Variants in ZNF407 observed in about 807,000 individuals in gnomAD.
ZNF407 encodes zinc finger protein 407.
A neutral mutation model predicts 131.2 loss-of-function variants in ZNF407; 17 were observed. That is an observed-to-expected ratio of 0.13 (90% CI 0.09 to 0.19). The LOEUF (loss-of-function observed/expected upper bound fraction) is 0.19. Ranked by LOEUF, ZNF407 falls within the 10% of genes least tolerant of loss-of-function variation. The pLI is 1.00. For missense variants in ZNF407, 2,681 were observed against 2,830.6 expected (o/e 0.95, Z 1.20); for synonymous variants, 1,156 against 1,062.0 (o/e 1.09, Z -1.72).
At chr18:74,682,996 A>C (rs1432898275) in intron 3 of ZNF407, among the ~76,000 whole-genome samples, 2 of 152,192 alleles carry the variant, frequency 1.3e-5, no homozygotes, top group Non-Finnish European at 2.9e-5. Flanking sequence ...GCTGGGCTCT[A>C]ACATTTGCTT....
At chr18:74,860,415 G>T (rs1388148014) in intron 4 of ZNF407, among the ~76,000 whole-genome samples, 3 of 151,780 alleles carry the variant, frequency 2.0e-5, no homozygotes, top group African/African-American at 7.3e-5. Context: ...TGAGAAGTAT[G>T]TAATTGTTAA....
chr18:74,927,665 C>A lies in ZNF407; in HGVS notation c.5428+6973C>A, dbSNP rs547259057. Among the ~76,000 whole-genome samples the A allele has an allele frequency of 3.3e-5, 5 of 152,200 alleles. No homozygotes were observed. In the South Asian group the frequency reaches 1.0e-3, roughly 32 times the overall value. On this transcript the variant is annotated intron_variant, in intron 8 of 8. Transcript: ENST00000299687. Reference sequence around the variant, plus strand: ...GAACATGAGGTTCAAATTAGATAATCCATATGAAAGAGCTTGAAAATTGTA... The same window carrying A: ...GAACATGAGGTTCAAATTAGATAATACATATGAAAGAGCTTGAAAATTGTA...
At chr18:74,826,123 C>A (rs577743583) in intron 4 of ZNF407, among the ~76,000 whole-genome samples, 1 of 152,264 alleles carries the variant, frequency 6.6e-6, no homozygotes, top group East Asian at 1.9e-4. Context: ...GTAGAACTTT[C>A]AAAAACTTTC....
chr18:74,962,493 T>A (rs571290191), intron 8 of ZNF407, among the ~76,000 whole-genome samples: 2 of 152,236 alleles, frequency 1.3e-5, no homozygotes, highest in African/African-American at 4.8e-5. Flanking sequence ...TAGGTGTCTC[T>A]GTGGGAATGG....
intron 4 of ZNF407, among the ~76,000 whole-genome samples, chr18:74,859,323 T>C (rs892965279): frequency 6.6e-6 from 1 of 152,120 alleles, no homozygotes; most frequent in Non-Finnish European, 1.5e-5. Flanking sequence ...TAGAAACAAA[T>C]GAAAAAGACT....
At chr18:74,833,753 C>T (rs909700797) in intron 4 of ZNF407, among the ~76,000 whole-genome samples, 1 of 152,132 alleles carries the variant, frequency 6.6e-6, no homozygotes, top group Admixed American at 6.5e-5. Context: ...CTGGCTGACT[C>T]GGGCCAGGTG....
chr18:74,743,056 G>A lies in ZNF407; in HGVS notation c.4803-38372G>A, dbSNP rs144125884. On this transcript the variant is annotated intron_variant, in intron 3 of 8. Coordinates refer to ENST00000299687, the MANE Select transcript of ZNF407 (RefSeq NM_017757.3). The stretch of plus-strand genomic sequence containing the variant: ...AACTTGACGGCTGAATAATGCAAGC[G>A]TTGATGGAATTGGAGGAGTGAAGAT... Among the ~76,000 whole-genome samples, 469 of 152,248 alleles carry A rather than the reference G, an allele frequency of 3.1e-3. 3 individuals are homozygous for A. Among genetic ancestry groups the A allele is most frequent in the Middle Eastern group, 0.01 (3 of 294 alleles).
intron 8 of ZNF407, among the ~76,000 whole-genome samples, chr18:74,984,777 A>G (rs1972633599): frequency 6.6e-6 from 1 of 152,240 alleles, no homozygotes; most frequent in African/African-American, 2.4e-5. Flanking sequence ...TCTGCCAAAA[A>G]GTTTCCAGGG....
rs145446225 is a variant in ZNF407, at chr18:74,626,885, T to C, written c.-53-4082T>C. Among the ~76,000 whole-genome samples the C allele has an allele frequency of 2.8e-3, 428 of 152,342 alleles. 3 individuals are homozygous for C. Among genetic ancestry groups the C allele is most frequent in the African/African-American group, 9.6e-3 (401 of 41,578 alleles). ...TGGAGGGACCAGCTGCGAAGGTGCA[T>C]GAGGCATCTTGCTGGTAGGATGGCA... is the stretch of plus-strand genomic sequence containing the variant. On this transcript the variant is annotated intron_variant, in intron 1 of 8. Coordinates refer to ENST00000299687, the MANE Select transcript of ZNF407 (RefSeq NM_017757.3).
At chr18:74,615,923 G>A (rs1361186905) in intron 1 of ZNF407, among the ~76,000 whole-genome samples, 1 of 152,040 alleles carries the variant, frequency 6.6e-6, no homozygotes, top group African/African-American at 2.4e-5. Context: ...GAGTGCAATG[G>A]CATGATCTCG....
At chr18:74,817,082 C>CT (rs1369771225) in intron 4 of ZNF407, among the ~76,000 whole-genome samples, 1 of 152,174 alleles carries the variant, frequency 6.6e-6, no homozygotes, top group Admixed American at 6.5e-5. Flanking sequence ...AATGCAGACT[C>CT]TAAGAGTTTC....
At position 74,942,197 on chromosome 18, in the gene ZNF407, C is replaced by T. The variant is rs572026721; in HGVS notation, c.5428+21505C>T. ...TATGTCCACCAGAAACTTTTTTGCA[C>T]GAATCTCCCCTGCAGCAGGGAAAGT... On this transcript the variant is annotated intron_variant, in intron 8 of 8. Transcript: ENST00000299687. 5.9e-5 allele frequency among the ~76,000 whole-genome samples: 9 copies of T among 152,264 alleles called. No individual in the cohort carries two copies. The South Asian group carries it at 1.0e-3, about 18-fold the overall frequency.
chr18:74,810,914 G>A (rs573403614), intron 4 of ZNF407, among the ~76,000 whole-genome samples: 1 of 152,256 alleles, frequency 6.6e-6, no homozygotes, highest in Admixed American at 6.5e-5. Flanking sequence ...GAAAACCTAG[G>A]CATTGCCATT....
In ZNF407 at chr18:74,680,149, G is replaced by A. The variant is rs1278624; in HGVS notation, c.4802+39027G>A. On this transcript the variant is annotated intron_variant, in intron 3 of 8. Transcript: ENST00000299687. ...CTAACACCTGTAATCCCAGAACTTTGGGAGGTTGAGGTGGGCAGATCCATT... is the reference window on the plus strand; with the variant it reads ...CTAACACCTGTAATCCCAGAACTTTAGGAGGTTGAGGTGGGCAGATCCATT... Among the ~76,000 whole-genome samples the A allele has an allele frequency of 4.3e-3, 653 of 152,260 alleles. 5 individuals carry two copies. Among genetic ancestry groups the A allele is most frequent in the African/African-American group, 0.015 (622 of 41,542 alleles).
At chr18:74,763,869 C>T (rs1026029035) in intron 3 of ZNF407, among the ~76,000 whole-genome samples, 6 of 151,168 alleles carry the variant, frequency 4.0e-5, no homozygotes, top group Non-Finnish European at 5.9e-5. Flanking sequence ...GCTACCACGC[C>T]CGGCTAATTT....
intron 1 of ZNF407, among the ~76,000 whole-genome samples, chr18:74,629,443 T>C (rs1388788875): frequency 6.6e-6 from 1 of 152,252 alleles, no homozygotes; most frequent in Admixed American, 6.5e-5. Flanking sequence ...TAGATGCAAG[T>C]CCCTTATCAG....
At chr18:74,767,693 G>T (rs1426189415) in intron 3 of ZNF407, among the ~76,000 whole-genome samples, 5 of 118,090 alleles carry the variant, frequency 4.2e-5, no homozygotes, top group African/African-American at 1.0e-4. Context: ...TCGCTCTGTT[G>T]CCCAGGCTGG....
At chr18:74,642,814 T>C (rs535212935) in intron 3 of ZNF407, among the ~76,000 whole-genome samples, 1 of 152,296 alleles carries the variant, frequency 6.6e-6, no homozygotes, top group Non-Finnish European at 1.5e-5. Flanking sequence ...TATGTGTGCG[T>C]TTGTAGAACA....
intron 8 of ZNF407, among the ~76,000 whole-genome samples, chr18:75,053,746 C>T (rs1446564948): frequency 2.6e-5 from 4 of 152,232 alleles, no homozygotes; most frequent in African/African-American, 7.2e-5. Context: ...TCCGCCCACT[C>T]GGTCCTGCCG....
Sources: allele counts gnomAD v4.1 joint callset (sites outside exome capture counted in the v4.1 genomes callset), GRCh38; gene constraint gnomAD v4.1.1; transcripts MANE v1.5; gene names NCBI Gene and HGNC (gene_info 2026-07-23, HGNC 2026-07-21).